Variants in ANO1 observed in about 807,000 individuals in gnomAD.
ANO1 encodes the protein anoctamin-1.
In ANO1, 59 loss-of-function variants were observed where a neutral mutation model predicts 124.0. The observed-to-expected ratio is 0.48, with a 90% CI of 0.39 to 0.59. The LOEUF (loss-of-function observed/expected upper bound fraction) is 0.59, where lower values mean the gene tolerates loss of function less well. Ranked by LOEUF, ANO1 falls within the 20% of genes least tolerant of loss-of-function variation. The pLI is 0.00. For missense variants in ANO1, 1,059 were observed against 1,328.0 expected (o/e 0.80, Z 3.15); for synonymous variants, 529 against 532.0 (o/e 0.99, Z 0.08).
chr11:70,026,220 T>A (rs1213064947), intron 1 of ANO1, among the ~76,000 whole-genome samples: 2 of 150,252 alleles, frequency 1.3e-5, no homozygotes, highest in Admixed American at 6.7e-5. Flanking sequence ...CTGATGGTGA[T>A]GATGACAGTA....
At chr11:70,052,316 G>A (rs782196144) in intron 1 of ANO1, among the ~76,000 whole-genome samples, 5 of 152,102 alleles carry the variant, frequency 3.3e-5, no homozygotes, top group Admixed American at 6.5e-5. Context: ...ATTGTTGGTC[G>A]ATATGAATAT....
rs567895933 is a variant in ANO1, at chr11:70,163,545, A to G, written c.1950+205A>G. On this transcript the variant is annotated intron_variant, in intron 19 of 25. Transcript: ENST00000355303. The stretch of plus-strand genomic sequence containing the variant: ...CTGGTGTGTTCATATAGAATCACCT[A>G]GAAGGATAAAGTCGCTGTAGAGTTA... 67 of 652,812 alleles carry G rather than the reference A, an allele frequency of 1.0e-4. 1 individual carries two copies. In the East Asian group the frequency reaches 1.8e-3, roughly 18 times the overall value. The allele number at this position is 652,812 out of a possible 1,614,324, so 40.4% of individuals were successfully genotyped here. A position where few individuals can be genotyped will look rare whatever the true frequency, so the allele number is the denominator to read the frequency against.
chr11:70,108,640 G>T (rs78268055), intron 6 of ANO1, among the ~76,000 whole-genome samples: 1 of 152,190 alleles, frequency 6.6e-6, no homozygotes, highest in Non-Finnish European at 1.5e-5. Flanking sequence ...GTTTGTGAGC[G>T]TGTGGACAGG....
At chr11:70,114,835 A>G (rs1418165242) in intron 7 of ANO1, among the ~76,000 whole-genome samples, 1 of 152,124 alleles carries the variant, frequency 6.6e-6, no homozygotes, top group Non-Finnish European at 1.5e-5. Flanking sequence ...GGAGGCGGAT[A>G]ACAACCTGAT....
At chr11:70,141,234 G>A (rs1447556526) in intron 11 of ANO1, among the ~76,000 whole-genome samples, 1 of 152,214 alleles carries the variant, frequency 6.6e-6, no homozygotes, top group Non-Finnish European at 1.5e-5. Context: ...GGCTGTGGCC[G>A]TTCATTTGGT....
chr11:70,144,915 G>A (rs539173617), intron 11 of ANO1, among the ~76,000 whole-genome samples: 5 of 152,338 alleles, frequency 3.3e-5, no homozygotes, highest in South Asian at 2.1e-4. Context: ...TCGTCCCTGC[G>A]TGGAGGGGGC....
intron 2 of ANO1, among the ~76,000 whole-genome samples, chr11:70,091,760 T>C (rs1284401692): frequency 1.3e-5 from 2 of 152,152 alleles, no homozygotes; most frequent in Non-Finnish European, 2.9e-5. Context: ...GGACACACTG[T>C]GTCACTCCTG....
rs11237663 is a variant in ANO1 at position 70,043,497 on chromosome 11, A to G, written c.59-35045A>G. On this transcript the variant is annotated intron_variant, in intron 1 of 27. Coordinates refer to the ANO1 transcript ENST00000531349. ...CTAAAAAGCTTAATACATTTCAATC[A>G]GAAGAAACATGAAGAAAACACACCA... Among the ~76,000 whole-genome samples the G allele has an allele frequency of 0.014, 2,175 of 152,332 alleles. 108 individuals carry two copies. The East Asian group carries it at 0.16, about 11-fold the overall frequency.
chr11:70,171,475 G>A (rs958427027), intron 22 of ANO1, among the ~76,000 whole-genome samples: 1 of 152,164 alleles, frequency 6.6e-6, no homozygotes. Flanking sequence ...ATCATTTAAT[G>A]TTCACAAAAG....
intron 7 of ANO1, among the ~76,000 whole-genome samples, chr11:70,111,982 GGGGGCAC>G (rs11276858): frequency 0.82 from 124,708 of 151,630 alleles, 51,582 homozygotes; most frequent in Middle Eastern, 0.9. Flanking sequence ...CCACCAAAAC[GGGGGCAC>G]GGGTGGCAGC....
At chr11:70,123,328 G>A (rs942604641) in intron 8 of ANO1, among the ~76,000 whole-genome samples, 3 of 152,198 alleles carry the variant, frequency 2.0e-5, no homozygotes, top group Non-Finnish European at 2.9e-5. Flanking sequence ...GGCAGCCGTG[G>A]GTACACCTGC....
chr11:70,162,259 G>A (rs1486314519), intron 18 of ANO1, among the ~76,000 whole-genome samples: 4 of 151,162 alleles, frequency 2.6e-5, no homozygotes, highest in Non-Finnish European at 5.9e-5. Flanking sequence ...CCGGGAGTGA[G>A]GGCCCCGGAC....
intron 1 of ANO1, among the ~76,000 whole-genome samples, chr11:70,084,078 G>T (rs1002071520): frequency 2.0e-5 from 3 of 152,152 alleles, no homozygotes; most frequent in South Asian, 2.1e-4. Context: ...TGGGGGAGGG[G>T]GAGAGGAGAC....
chr11:70,158,970 G>A (rs938627090), intron 16 of ANO1, among the ~76,000 whole-genome samples: 4 of 152,114 alleles, frequency 2.6e-5, no homozygotes, highest in African/African-American at 9.7e-5. Context: ...GATAACCGGA[G>A]CCTCCCCATC....
At chr11:70,142,065 A>C (rs2047175475) in intron 11 of ANO1, among the ~76,000 whole-genome samples, 1 of 152,190 alleles carries the variant, frequency 6.6e-6, no homozygotes, top group Admixed American at 6.5e-5. Flanking sequence ...TGCTGTCTGG[A>C]ATTTCTGACA....
intron 24 of ANO1, 130 bp downstream of exon 24, chr11:70,182,816 G>GAAA: frequency 4.3e-6 from 3 of 704,036 alleles, no homozygotes; most frequent in Non-Finnish European, 4.0e-6. Context: ...GAAGAAGAAG[G>GAAA]AAAAAAAAAA....
At chr11:70,128,218 G>A (rs1324566086) in intron 10 of ANO1, among the ~76,000 whole-genome samples, 2 of 146,420 alleles carry the variant, frequency 1.4e-5, no homozygotes, top group Non-Finnish European at 3.0e-5. Flanking sequence ...CCCTTTTGGT[G>A]TTAATTTGGT....
rs561461499 is a variant in ANO1 at position 70,101,022 on chromosome 11, G to A, written c.442-2044G>A. On this transcript the variant is annotated intron_variant, in intron 2 of 25. Coordinates refer to ENST00000355303, the MANE Select transcript of ANO1 (RefSeq NM_018043.7). ...CCTCACCATCAGCATAAGCGACCAC[G>A]GTGGGCTTCAGAAGGAGCGATGAGA... Among the ~76,000 whole-genome samples the A allele has an allele frequency of 5.3e-5, 8 of 152,198 alleles. No individual in the cohort carries two copies. The South Asian group carries it at 8.3e-4, about 16-fold the overall frequency.
intron 7 of ANO1, among the ~76,000 whole-genome samples, chr11:70,113,117 T>TCCCCG (rs2045853797): frequency 1.3e-5 from 2 of 151,540 alleles, no homozygotes; most frequent in South Asian, 4.2e-4. Flanking sequence ...ACGGTACTCT[T>TCCCCG]CCCCGCCCCA....
Sources: gnomAD v4.1 joint callset for allele counts (sites outside exome capture counted in the v4.1 genomes callset) on GRCh38, gnomAD v4.1.1 for gene constraint, MANE v1.5 for transcripts, NCBI Gene and HGNC (gene_info 2026-07-23, HGNC 2026-07-21) for gene names.